CLCN3: variants seen among roughly 807,000 people sequenced by gnomAD.
CLCN3 encodes H(+)/Cl(-) exchange transporter 3.
CLCN3 carries 16 observed loss-of-function variants against 83.4 expected under a neutral mutation model. The observed-to-expected ratio is 0.19, with a 90% CI of 0.13 to 0.29. CLCN3 has a LOEUF of 0.29. Ranked by LOEUF, CLCN3 falls within the 10% of genes least tolerant of loss-of-function variation. The pLI is 1.00. For synonymous variants in CLCN3, 322 were observed against 346.2 expected, an observed-to-expected ratio of 0.93 and a Z score of 0.78; for missense variants, 544 against 1,006.0, an observed-to-expected ratio of 0.54 and a Z score of 6.21.
chr4:169,672,954 C>T (rs866232706), intron 2 of CLCN3, among the ~76,000 whole-genome samples: 6 of 152,142 alleles, frequency 3.9e-5, no homozygotes, highest in South Asian at 2.1e-4. Flanking sequence ...GGAGCCACCG[C>T]GCCCGGCTGT....
At chr4:169,636,735 G>GTTGTTTTTTT (rs1553965336) in intron 2 of CLCN3, among the ~76,000 whole-genome samples, 3 of 119,520 alleles carry the variant, frequency 2.5e-5, no homozygotes, top group Admixed American at 8.8e-5. Flanking sequence ...TCATTATTTG[G>GTTGTTTTTTT]TTTTTTTTTT....
chr4:169,682,542 A>G (rs1211815527), intron 3 of CLCN3, among the ~76,000 whole-genome samples: 2 of 152,236 alleles, frequency 1.3e-5, no homozygotes. Context: ...TGCAACTCAA[A>G]TAAATTACGC....
At chr4:169,656,764 A>G (rs1214020283) in intron 2 of CLCN3, among the ~76,000 whole-genome samples, 1 of 152,136 alleles carries the variant, frequency 6.6e-6, no homozygotes, top group East Asian at 1.9e-4. Context: ...TGTAAGACCT[A>G]TCTCTACAAA....
chr4:169,704,353 C>T (rs1732911035), intron 10 of CLCN3, among the ~76,000 whole-genome samples, 169 bp downstream of exon 10: 1 of 152,186 alleles, frequency 6.6e-6, no homozygotes, highest in Non-Finnish European at 1.5e-5. Flanking sequence ...GGGTATTATA[C>T]AGTACCGGTT....
rs1170820199 is a variant in CLCN3, at chr4:169,697,564, C to A, written c.1393C>A (p.Pro465Thr). The A allele has an allele frequency of 1.2e-6, 2 of 1,614,062 alleles. No homozygotes were observed. The highest frequency in any genetic ancestry group is 3.3e-5 in the Admixed American group (2 of 60,006). ...CAAAGAGCTTTTTACAGACTGTGGT[C>A]CCCTGGAATCCTCTTCTCTTTGTGA... is the stretch of plus-strand genomic sequence containing the variant. ...LIKELFTDCG[P>T]LESSSLCDYR... Residue 465 changes from proline to threonine, a missense_variant, in exon 9 of 13, where the codon CCC (proline) becomes ACC (threonine). Transcript: ENST00000513761.
intron 11 of CLCN3, 138 bp downstream of exon 11, chr4:169,707,404 T>C: frequency 1.8e-6 from 1 of 562,796 alleles, no homozygotes; most frequent in Admixed American, 3.2e-5. Context: ...TCTTCTGTTC[T>C]TTAGGAAAGG....
chr4:169,709,417 C>T (rs1301248170), intron 11 of CLCN3, among the ~76,000 whole-genome samples: 1 of 150,954 alleles, frequency 6.6e-6, no homozygotes, highest in African/African-American at 2.4e-5. Flanking sequence ...GGCGTGGTGG[C>T]TCATGCCTGT....
intron 2 of CLCN3, among the ~76,000 whole-genome samples, chr4:169,641,084 A>G (rs946655917): frequency 6.6e-6 from 1 of 152,162 alleles, no homozygotes; most frequent in Non-Finnish European, 1.5e-5. Flanking sequence ...CTATCTATAC[A>G]TAACTTTAAA....
chr4:169,716,734 C>G (rs1478831143), intron 12 of CLCN3, among the ~76,000 whole-genome samples: 1 of 152,030 alleles, frequency 6.6e-6, no homozygotes, highest in African/African-American at 2.4e-5. Flanking sequence ...CTCCTGCTCC[C>G]CCACCTCCCA....
At chr4:169,718,927 A>G (rs574360827) in intron 12 of CLCN3, among the ~76,000 whole-genome samples, 114 of 152,316 alleles carry the variant, frequency 7.5e-4, no homozygotes, top group African/African-American at 2.6e-3. Context: ...AACAACTAAG[A>G]CTTTCATAAA....
Position 169,714,879 on chromosome 4 carries a change from G to A in CLCN3, c.2366+1584G>A, listed in dbSNP as rs1438831744. On this transcript the variant is annotated intron_variant, in intron 12 of 12. Coordinates refer to ENST00000513761, the MANE Select transcript of CLCN3 (RefSeq NM_001829.4). ...TCATAAGTTATTATTGTTACTATTT[G>A]TCTTTGTGTAATATTGTTTGATTAA... Among the ~76,000 whole-genome samples the A allele has an allele frequency of 6.6e-5, 10 of 152,088 alleles. No individual in the cohort carries two copies. In the East Asian group the frequency reaches 1.9e-3, roughly 29 times the overall value.
chr4:169,687,629 A>G (rs768437215), intron 3 of CLCN3, 29 bp from the exon 4 acceptor site: 7 of 1,476,144 alleles, frequency 4.7e-6, no homozygotes, highest in South Asian at 2.3e-5. Flanking sequence ...ATAGTTGGAA[A>G]AATGAAGCAT....
chr4:169,635,096 T>TAGTCTTCATCTAAATGAC (rs1773470444), intron 1 of CLCN3, among the ~76,000 whole-genome samples: 1 of 152,184 alleles, frequency 6.6e-6, no homozygotes, highest in Admixed American at 6.5e-5. Context: ...GTGCTTACTT[T>TAGTCTTCATCTAAATGAC]AGTCTTCATC....
At chr4:169,677,808 A>T (rs1731738084) in intron 2 of CLCN3, among the ~76,000 whole-genome samples, 1 of 152,210 alleles carries the variant, frequency 6.6e-6, no homozygotes. Context: ...AATCTGATAG[A>T]GGGAAATGAT....
chr4:169,712,789 A>T (rs1197410051), intron 11 of CLCN3, among the ~76,000 whole-genome samples: 1 of 152,228 alleles, frequency 6.6e-6, no homozygotes, highest in East Asian at 1.9e-4. Flanking sequence ...CTTAGCCCCC[A>T]AGTTAGAAAA....
At chr4:169,712,699 T>TTTTTTTTC (rs1288184825) in intron 11 of CLCN3, among the ~76,000 whole-genome samples, 1 of 152,244 alleles carries the variant, frequency 6.6e-6, no homozygotes, top group African/African-American at 2.4e-5. Context: ...GAGGCAGGTT[T>TTTTTTTTC]CATTTGATAA....
intron 7 of CLCN3, among the ~76,000 whole-genome samples, 168 bp from the exon 8 acceptor site, chr4:169,695,444 A>G (rs1162101478): frequency 1.3e-5 from 2 of 152,242 alleles, no homozygotes; most frequent in African/African-American, 4.8e-5. Flanking sequence ...GGAGAAAGAA[A>G]CAAATCTTAA....
intron 2 of CLCN3, among the ~76,000 whole-genome samples, chr4:169,652,273 A>G (rs749036365): frequency 2.6e-5 from 4 of 152,090 alleles, no homozygotes; most frequent in African/African-American, 2.4e-5. Flanking sequence ...TGGTTTGCTC[A>G]TCTAGGTATG....
intron 2 of CLCN3, among the ~76,000 whole-genome samples, chr4:169,667,353 T>G (rs1731283285): frequency 6.6e-6 from 1 of 152,202 alleles, no homozygotes; most frequent in Admixed American, 6.5e-5. Context: ...ATGAATAATT[T>G]TAAGTAATTT....
Sources: allele counts gnomAD v4.1 joint callset (sites outside exome capture counted in the v4.1 genomes callset), GRCh38; gene constraint gnomAD v4.1.1; transcripts MANE v1.5; gene names NCBI Gene and HGNC (gene_info 2026-07-23, HGNC 2026-07-21).